The following FNDC3B variants were observed in gnomAD, a reference collection of about 807,000 sequenced individuals.
FNDC3B encodes fibronectin type III domain-containing protein 3B.
A neutral mutation model predicts 151.5 loss-of-function variants in FNDC3B; 12 were observed. That is an observed-to-expected ratio of 0.08 (90% CI 0.05 to 0.13). The LOEUF (loss-of-function observed/expected upper bound fraction) is 0.13, where lower values mean the gene tolerates loss of function less well. Ranked by LOEUF, FNDC3B falls within the 10% of genes least tolerant of loss-of-function variation. The probability of loss-of-function intolerance (pLI) is 1.00; values close to 1 mark genes in which losing one functional copy is unlikely to be tolerated. For missense variants in FNDC3B, 1,214 were observed against 1,505.3 expected (o/e 0.81, Z 3.20); for synonymous variants, 528 against 549.0 (o/e 0.96, Z 0.54).
At chr3:172,289,787 AGAGG>A (rs1730226579) in intron 7 of FNDC3B, among the ~76,000 whole-genome samples, 1 of 152,214 alleles carries the variant, frequency 6.6e-6, no homozygotes, top group Admixed American at 6.5e-5. Flanking sequence ...AGCAGCCACT[AGAGG>A]GAAGGCCTGT....
intron 2 of FNDC3B, chr3:172,126,887 T>C (rs556448849): frequency 9.8e-5 from 33 of 336,692 alleles, no homozygotes; most frequent in South Asian, 7.5e-4. Context: ...TCAAACCATT[T>C]TGTAGATGTA....
intron 3 of FNDC3B, among the ~76,000 whole-genome samples, chr3:172,137,002 C>T (rs1008820156): frequency 5.3e-5 from 8 of 152,188 alleles, no homozygotes; most frequent in Non-Finnish European, 8.8e-5. Context: ...CCACATCCGG[C>T]GGTGTTTTTC....
At chr3:172,305,194 T>C (rs1269960795) in intron 9 of FNDC3B, among the ~76,000 whole-genome samples, 1 of 152,190 alleles carries the variant, frequency 6.6e-6, no homozygotes, top group Non-Finnish European at 1.5e-5. Flanking sequence ...TAAACTATAT[T>C]ACCATCATCA....
chr3:172,315,557 C>A (rs994653455), intron 11 of FNDC3B, among the ~76,000 whole-genome samples: 1 of 152,034 alleles, frequency 6.6e-6, no homozygotes, highest in African/African-American at 2.4e-5. Context: ...AATAACTGAC[C>A]CCGCATTTTT....
chr3:172,158,664 A>C (rs1299614338), intron 3 of FNDC3B, among the ~76,000 whole-genome samples: 1 of 152,172 alleles, frequency 6.6e-6, no homozygotes, highest in Non-Finnish European at 1.5e-5. Context: ...ATCCAATTTG[A>C]CAATTTTTCC....
At chr3:172,368,484 C>T (rs912691172) in intron 23 of FNDC3B, among the ~76,000 whole-genome samples, 1 of 152,164 alleles carries the variant, frequency 6.6e-6, no homozygotes, top group Non-Finnish European at 1.5e-5. Flanking sequence ...AGTCCCCGAT[C>T]CATATAATCA....
intron 1 of FNDC3B, among the ~76,000 whole-genome samples, chr3:172,108,973 G>T (rs934529866): frequency 1.3e-5 from 2 of 152,054 alleles, no homozygotes; most frequent in African/African-American, 4.8e-5. Context: ...TCATTTCTTT[G>T]TATGTCTCTT....
intron 1 of FNDC3B, among the ~76,000 whole-genome samples, chr3:172,041,394 T>TCC (rs1716046731): frequency 6.6e-6 from 1 of 150,746 alleles, no homozygotes; most frequent in African/African-American, 2.4e-5. Context: ...TTTTTCTTTC[T>TCC]TTCTTTCTCC....
chr3:172,387,459 A>G (rs1735777730), intron 25 of FNDC3B, among the ~76,000 whole-genome samples: 1 of 152,190 alleles, frequency 6.6e-6, no homozygotes, highest in African/African-American at 2.4e-5. Flanking sequence ...TTAAACAATG[A>G]GGCTATGACT....
At chr3:172,086,892 G>C (rs1162977395) in intron 1 of FNDC3B, among the ~76,000 whole-genome samples, 1 of 152,174 alleles carries the variant, frequency 6.6e-6, no homozygotes, top group Non-Finnish European at 1.5e-5. Flanking sequence ...AGATGTATTA[G>C]CATGTAGCAG....
At chr3:172,318,922 A>G (rs889926456) in intron 11 of FNDC3B, among the ~76,000 whole-genome samples, 3 of 152,214 alleles carry the variant, frequency 2.0e-5, no homozygotes, top group Admixed American at 2.0e-4. Context: ...AAACTAAGCC[A>G]GGAAGGATTG....
At chr3:172,351,669 A>T (rs1204867504) in intron 21 of FNDC3B, among the ~76,000 whole-genome samples, 2 of 152,238 alleles carry the variant, frequency 1.3e-5, no homozygotes, top group South Asian at 4.1e-4. Context: ...ACCAGCTAGG[A>T]GGTCATTAGA....
rs147528715 is a variant in FNDC3B at position 172,382,507 on chromosome 3, A to C, written c.3303+1414A>C. On this transcript the variant is annotated intron_variant, in intron 25 of 25. Transcript: ENST00000415807. ...TTTGTCAATTTTGGCTTTTGTTGCCATTGCTTTTGGTGTTTTAGTCATGAA... is the reference window on the plus strand; with the variant it reads ...TTTGTCAATTTTGGCTTTTGTTGCCCTTGCTTTTGGTGTTTTAGTCATGAA... Among the ~76,000 whole-genome samples, 40 of 152,216 alleles carry C rather than the reference A, an allele frequency of 2.6e-4. No homozygotes were observed. In the East Asian group the frequency reaches 7.7e-3, roughly 29 times the overall value.
chr3:172,343,176 A>G, intron 18 of FNDC3B, 60 bp downstream of exon 18: 1 of 908,070 alleles, frequency 1.1e-6, no homozygotes, highest in African/African-American at 1.6e-5. Context: ...ATGAAGACTT[A>G]TGCTTTGTAG....
intron 3 of FNDC3B, among the ~76,000 whole-genome samples, chr3:172,206,531 C>T (rs563135695): frequency 1.6e-4 from 24 of 151,748 alleles, no homozygotes; most frequent in Middle Eastern, 3.4e-3. Flanking sequence ...TGGTGGCGGG[C>T]GCCTGTAATC....
intron 2 of FNDC3B, among the ~76,000 whole-genome samples, chr3:172,127,748 T>C (rs937932325): frequency 2.0e-5 from 3 of 152,150 alleles, no homozygotes; most frequent in African/African-American, 7.2e-5. Context: ...CCATGGCAAC[T>C]GCTGCCTCCC....
intron 8 of FNDC3B, among the ~76,000 whole-genome samples, chr3:172,296,831 G>A (rs897916335): frequency 6.6e-6 from 1 of 152,168 alleles, no homozygotes. Flanking sequence ...ATATTCACGG[G>A]ATATGAGACC....
chr3:172,040,152 TC>T lies in FNDC3B; in HGVS notation c.-29+386del, dbSNP rs1285928808. Among the ~76,000 whole-genome samples, 14 of 151,372 alleles carry T rather than the reference TC, an allele frequency of 9.2e-5. No individual in the cohort carries two copies. The highest frequency in any genetic ancestry group is 1.6e-4 in the Non-Finnish European group (11 of 67,812). On this transcript the variant is annotated intron_variant, in intron 1 of 25. Transcript: ENST00000415807. This position sits in a 1 kb window ranked among gnomAD's most constrained non-coding sequence, Gnocchi z 6.6. Reference sequence around the variant, plus strand: ...AGCAGATTTTGTCCGAGGAATCCGCTCCCCCTCCCGGAATCTCCGCGGCAGG... The same window carrying T: ...AGCAGATTTTGTCCGAGGAATCCGCTCCCCTCCCGGAATCTCCGCGGCAGG...
At chr3:172,367,521 A>G (rs752817568) in intron 23 of FNDC3B, among the ~76,000 whole-genome samples, 1 of 152,250 alleles carries the variant, frequency 6.6e-6, no homozygotes, top group Non-Finnish European at 1.5e-5. Flanking sequence ...CAAGAAAAAT[A>G]TATCTCCAAA....
Sources: gnomAD v4.1 joint callset for allele counts (sites outside exome capture counted in the v4.1 genomes callset) on GRCh38, gnomAD v4.1.1 for gene constraint, Gnocchi (gnomAD v3.1) non-coding constraint, MANE v1.5 for transcripts, NCBI Gene and HGNC (gene_info 2026-07-23, HGNC 2026-07-21) for gene names.